The following CDH13 variants were observed in gnomAD, a reference collection of about 807,000 sequenced individuals.
CDH13 encodes cadherin-13.
A neutral mutation model predicts 63.8 loss-of-function variants in CDH13; 24 were observed. That is an observed-to-expected ratio of 0.38 (90% CI 0.27 to 0.53). The LOEUF (loss-of-function observed/expected upper bound fraction) is 0.53, where lower values mean the gene tolerates loss of function less well. Among genes scored for constraint, CDH13 ranks in the 20% least tolerant of loss-of-function variants. CDH13 has a pLI of 0.85. For missense variants in CDH13, 1,049 were observed against 903.1 expected (o/e 1.16, Z -2.07); for synonymous variants, 503 against 355.3 (o/e 1.42, Z -4.67).
intron 10 of CDH13, among the ~76,000 whole-genome samples, chr16:83,724,957 C>A (rs926746704): frequency 4.6e-5 from 7 of 152,170 alleles, no homozygotes; most frequent in African/African-American, 1.4e-4. Context: ...CCAATCAATG[C>A]AAATTAAGCC....
intron 6 of CDH13, among the ~76,000 whole-genome samples, chr16:83,371,304 G>C (rs1012859474): frequency 6.6e-6 from 1 of 152,162 alleles, no homozygotes; most frequent in Non-Finnish European, 1.5e-5. Context: ...TGCATCTTCA[G>C]TCACATTCTC....
intron 5 of CDH13, among the ~76,000 whole-genome samples, chr16:83,332,330 C>T (rs542271919): frequency 6.6e-6 from 1 of 152,016 alleles, no homozygotes; most frequent in Non-Finnish European, 1.5e-5. Context: ...CTTTATTCCT[C>T]CTAATACTTA....
chr16:82,751,423 G>A (rs781728527), intron 1 of CDH13, among the ~76,000 whole-genome samples: 1 of 152,026 alleles, frequency 6.6e-6, no homozygotes, highest in Non-Finnish European at 1.5e-5. Context: ...CACTTCCCTG[G>A]GAGAGGTCTT....
intron 1 of CDH13, among the ~76,000 whole-genome samples, chr16:82,648,963 A>C (rs142310461): frequency 1.3e-5 from 2 of 152,316 alleles, no homozygotes; most frequent in African/African-American, 4.8e-5. Flanking sequence ...GAAAGAGCCA[A>C]TTTTAGATGG....
intron 7 of CDH13, among the ~76,000 whole-genome samples, chr16:83,548,683 G>A (rs903868602): frequency 6.6e-6 from 1 of 152,068 alleles, no homozygotes; most frequent in African/African-American, 2.4e-5. Flanking sequence ...TGAGGAGATG[G>A]CTTGTTTTCT....
intron 4 of CDH13, among the ~76,000 whole-genome samples, chr16:83,142,941 T>G (rs924967781): frequency 6.6e-6 from 1 of 152,164 alleles, no homozygotes; most frequent in Non-Finnish European, 1.5e-5. Context: ...CCGTATGTAC[T>G]GAAAATACAA....
intron 5 of CDH13, among the ~76,000 whole-genome samples, chr16:83,230,087 G>C (rs2039960369): frequency 6.6e-6 from 1 of 152,160 alleles, no homozygotes; most frequent in African/African-American, 2.4e-5. Context: ...CCACAGCAGA[G>C]GTCTTGGTCA....
intron 1 of CDH13, among the ~76,000 whole-genome samples, chr16:82,769,678 C>T (rs2035188068): frequency 6.6e-6 from 1 of 152,130 alleles, no homozygotes; most frequent in Non-Finnish European, 1.5e-5. Context: ...CCATGATGCC[C>T]TAGATTTTAC....
At chr16:83,460,276 C>T (rs1388835432) in intron 6 of CDH13, among the ~76,000 whole-genome samples, 1 of 152,130 alleles carries the variant, frequency 6.6e-6, no homozygotes, top group Admixed American at 6.5e-5. Context: ...AAACAGAGAC[C>T]CTCGCTGACT....
intron 1 of CDH13, among the ~76,000 whole-genome samples, chr16:82,810,361 T>A (rs1416816871): frequency 2.6e-5 from 4 of 152,080 alleles, no homozygotes. Context: ...GATGAGAGGA[T>A]CTGTCAGCCA....
intron 6 of CDH13, among the ~76,000 whole-genome samples, chr16:83,466,865 T>A (rs569397239): frequency 6.6e-6 from 1 of 152,272 alleles, no homozygotes; most frequent in East Asian, 1.9e-4. Context: ...TCCCTTTAAA[T>A]CTAAAAAGAA....
chr16:83,669,264 A>G (rs554070936), intron 8 of CDH13, among the ~76,000 whole-genome samples: 2 of 152,082 alleles, frequency 1.3e-5, no homozygotes, highest in African/African-American at 2.4e-5. Flanking sequence ...CATAATAACC[A>G]TAATAGATTT....
chr16:82,639,995 C>A (rs906553092), intron 1 of CDH13, among the ~76,000 whole-genome samples: 3 of 152,196 alleles, frequency 2.0e-5, no homozygotes, highest in African/African-American at 7.2e-5. Flanking sequence ...ATCTCAAGCA[C>A]AATTCTCAGC....
intron 8 of CDH13, among the ~76,000 whole-genome samples, chr16:83,645,598 C>T (rs1327541742): frequency 2.6e-5 from 4 of 152,086 alleles, no homozygotes; most frequent in East Asian, 1.9e-4. Flanking sequence ...ACACCCCCAA[C>T]CTCCCGCACC....
At chr16:83,702,766 A>C (rs1906439064) in intron 10 of CDH13, among the ~76,000 whole-genome samples, 1 of 152,060 alleles carries the variant, frequency 6.6e-6, no homozygotes, top group Non-Finnish European at 1.5e-5. Context: ...CACTGTGGGG[A>C]GGGGCTTTCC....
Position 82,757,661 on chromosome 16 carries a change from TG to T in CDH13, c.46-100697del, listed in dbSNP as rs200398154. ...GCTTTTTTTTTGTTTTTTTTTTTTT[TG>T]GGGACAGAGTCTCTCTCTGTCTCCA... On this transcript the variant is annotated intron_variant, in intron 1 of 13. Transcript: ENST00000567109. Among the ~76,000 whole-genome samples, 210 of 103,396 alleles carry T rather than the reference TG, an allele frequency of 2.0e-3. 4 individuals are homozygous for T. Among genetic ancestry groups the T allele is most frequent in the Non-Finnish European group, 3.0e-3 (129 of 42,498 alleles). The allele number at this position is 103,396 out of a possible 152,430, so 67.8% of individuals were successfully genotyped here.
chr16:82,893,090 C>A (rs1310481385), intron 2 of CDH13, among the ~76,000 whole-genome samples: 2 of 152,206 alleles, frequency 1.3e-5, no homozygotes, highest in African/African-American at 4.8e-5. Flanking sequence ...CTAATGTGAA[C>A]AACCATGATT....
Position 83,060,060 on chromosome 16 carries a change from C to A in CDH13, c.366+27842C>A, listed in dbSNP as rs148503128. ...CCGCAAGCCTCGGCCTCCCAAATTG[C>A]TGGGATTACAAACGTGAGCCACCGC... On this transcript the variant is annotated intron_variant, in intron 3 of 13. Coordinates refer to ENST00000567109, the MANE Select transcript of CDH13 (RefSeq NM_001257.5). Among the ~76,000 whole-genome samples the A allele has an allele frequency of 2.0e-5, 3 of 152,152 alleles. No individual in the cohort carries two copies. In the East Asian group the frequency reaches 5.8e-4, roughly 30 times the overall value.
Position 82,902,642 on chromosome 16 carries a change from T to G in CDH13, c.157+44169T>G, listed in dbSNP as rs370700405. ...GCTTGGCCCCCTACAACTCTACCTA[T>G]ACATTAATCAGTGTCATATTCATTA... On this transcript the variant is annotated intron_variant, in intron 2 of 13. Coordinates refer to ENST00000567109, the MANE Select transcript of CDH13 (RefSeq NM_001257.5). 1.5e-3 allele frequency among the ~76,000 whole-genome samples: 220 copies of G among 150,804 alleles called. 1 individual carries two copies. The highest frequency in any genetic ancestry group is 5.1e-3 in the African/African-American group (212 of 41,216).
Sources: gnomAD v4.1 joint callset for allele counts (sites outside exome capture counted in the v4.1 genomes callset) on GRCh38, gnomAD v4.1.1 for gene constraint, MANE v1.5 for transcripts, NCBI Gene and HGNC (gene_info 2026-07-23, HGNC 2026-07-21) for gene names.